The following IQSEC1 variants were observed in gnomAD, a reference collection of about 807,000 sequenced individuals.
IQSEC1 encodes IQ motif and Sec7 domain ArfGEF 1.
Under a neutral mutation model 91.0 loss-of-function variants are expected in IQSEC1, and 31 were observed. That is an observed-to-expected ratio of 0.34 (90% CI 0.26 to 0.46). The LOEUF is 0.46. Among genes scored for constraint, IQSEC1 ranks in the 20% least tolerant of loss-of-function variants. The pLI is 1.00. For missense variants in IQSEC1, 1,388 were observed against 1,575.6 expected, an observed-to-expected ratio of 0.88 and a Z score of 2.02; for synonymous variants, 699 against 662.6, an observed-to-expected ratio of 1.05 and a Z score of -0.84.
At chr3:13,252,704 T>A (rs1576311305) in intron 1 of IQSEC1, among the ~76,000 whole-genome samples, 1 of 149,066 alleles carries the variant, frequency 6.7e-6, no homozygotes, top group Admixed American at 6.7e-5. Context: ...ACCAACAGAC[T>A]TCTTATTATC....
rs1702052542 is a variant in IQSEC1 at position 12,992,936 on chromosome 3, C to T, written c.24-51071G>A. Among the ~76,000 whole-genome samples the T allele has an allele frequency of 1.3e-5, 2 of 152,306 alleles. No individual in the cohort carries two copies. The highest frequency in any genetic ancestry group is 4.1e-4 in the South Asian group (2 of 4,830). ...CTTGACTCACCTCTGCCAACCCACC[C>T]TGCCTGCTTAGAGCCCAAGGGCAGG... is the stretch of plus-strand genomic sequence containing the variant. On this transcript the variant is annotated intron_variant, in intron 1 of 13. Coordinates refer to ENST00000613206, the MANE Select transcript of IQSEC1 (RefSeq NM_001134382.3). The surrounding 1 kb of genome is among the most constrained non-coding windows in gnomAD (Gnocchi z 4.1).
At chr3:13,158,153 G>A (rs766948692) in intron 2 of IQSEC1, among the ~76,000 whole-genome samples, 1 of 152,214 alleles carries the variant, frequency 6.6e-6, no homozygotes, top group African/African-American at 2.4e-5. Flanking sequence ...TCCAGAGGCC[G>A]CCGGCTCAGC....
At chr3:13,109,687 C>T (rs1256554727) in intron 2 of IQSEC1, among the ~76,000 whole-genome samples, 1 of 151,972 alleles carries the variant, frequency 6.6e-6, no homozygotes. Context: ...CTTTCTCTTC[C>T]TTCACCTTCC....
chr3:13,037,868 G>T (rs1270434963), intron 1 of IQSEC1, among the ~76,000 whole-genome samples: 1 of 152,036 alleles, frequency 6.6e-6, no homozygotes, highest in Non-Finnish European at 1.5e-5. Flanking sequence ...AGGGAGGGGG[G>T]AGTTAGTGTT....
At chr3:13,112,665 A>G (rs1018373311) in intron 2 of IQSEC1, among the ~76,000 whole-genome samples, 1 of 152,222 alleles carries the variant, frequency 6.6e-6, no homozygotes, top group Admixed American at 6.5e-5. Context: ...GTGGTCCCGC[A>G]GCAGAGTGTG....
rs76897380 is a variant in IQSEC1, at chr3:13,260,892, A to C, written c.272+21819T>G. Among the ~76,000 whole-genome samples the C allele has an allele frequency of 8.0e-3, 1,218 of 152,310 alleles. 14 individuals carry two copies. The highest frequency in any genetic ancestry group is 0.027 in the African/African-American group (1,114 of 41,576). ...GTGCTGAGCAGGACACATGGTGCAT[A>C]TGAGGAGTCCCCAGTGCTGGGCAGT... is the stretch of plus-strand genomic sequence containing the variant. On this transcript the variant is annotated intron_variant, in intron 1 of 15. Coordinates refer to the IQSEC1 transcript ENST00000648114.
chr3:12,971,916 G>A (rs1304080839), intron 1 of IQSEC1, among the ~76,000 whole-genome samples: 1 of 151,970 alleles, frequency 6.6e-6, no homozygotes, highest in Non-Finnish European at 1.5e-5. Flanking sequence ...CAGCTACTCA[G>A]GAGGCTGAGG....
chr3:12,923,226 T>C (rs951143961), intron 4 of IQSEC1, among the ~76,000 whole-genome samples: 2 of 152,142 alleles, frequency 1.3e-5, no homozygotes, highest in African/African-American at 4.8e-5. Flanking sequence ...ACTGCTATTT[T>C]CTGACCTGAG....
At chr3:12,948,300 T>C (rs1245928502) in intron 1 of IQSEC1, among the ~76,000 whole-genome samples, 3 of 152,252 alleles carry the variant, frequency 2.0e-5, no homozygotes. Context: ...CAGACAAGCC[T>C]AGTGCCCCAA....
chr3:12,914,741 G>A (rs1320618669), intron 8 of IQSEC1, among the ~76,000 whole-genome samples: 1 of 152,128 alleles, frequency 6.6e-6, no homozygotes, highest in Non-Finnish European at 1.5e-5. Context: ...GGGTGAGGAG[G>A]CAGGCACTGG....
At chr3:12,956,510 C>T (rs1046853636) in intron 1 of IQSEC1, among the ~76,000 whole-genome samples, 15 of 152,208 alleles carry the variant, frequency 9.9e-5, no homozygotes, top group Non-Finnish European at 2.1e-4. Context: ...ATCCCATGGT[C>T]ATCATAACCA....
Position 12,900,909 on chromosome 3 carries a change from G to A in IQSEC1, c.*74C>T, listed in dbSNP as rs9818523. ...CAGAAGTGCCCCGGGTTTGGTGTGC[G>A]GCTGGCGACCCCCGGGCGTGCCCTG... On this transcript the variant is annotated 3_prime_UTR_variant, in exon 14 of 14. Coordinates refer to ENST00000613206, the MANE Select transcript of IQSEC1 (RefSeq NM_001134382.3). The A allele has an allele frequency of 0.2, 309,028 of 1,535,740 alleles. 33,907 individuals carry two copies. The highest frequency in any genetic ancestry group is 0.34 in the African/African-American group (24,962 of 72,984).
At chr3:12,956,785 G>A (rs150968056) in intron 1 of IQSEC1, among the ~76,000 whole-genome samples, 7 of 152,276 alleles carry the variant, frequency 4.6e-5, no homozygotes, top group Non-Finnish European at 1.0e-4. Context: ...GGGAGACCAG[G>A]TCTCTCTACA....
rs745831415 is a variant in IQSEC1 at position 12,899,447 on chromosome 3, G to A, written c.*1536C>T. On this transcript the variant is annotated 3_prime_UTR_variant, in exon 14 of 14. Coordinates refer to ENST00000613206, the MANE Select transcript of IQSEC1 (RefSeq NM_001134382.3). ...CGAAAGGCTGAAACTACAAAGTATG[G>A]CCCGTGGGTGACTCGGGCACAGACC... is the stretch of plus-strand genomic sequence containing the variant. 3 of 1,607,646 alleles carry A rather than the reference G, an allele frequency of 1.9e-6. No homozygotes were observed. The highest frequency in any genetic ancestry group is 4.5e-5 in the East Asian group (2 of 44,624).
chr3:13,101,755 G>A (rs965753174), intron 2 of IQSEC1, among the ~76,000 whole-genome samples: 4 of 152,196 alleles, frequency 2.6e-5, no homozygotes, highest in African/African-American at 7.2e-5. Context: ...GGTAGCAGTG[G>A]AGTGGTGAGT....
chr3:12,928,321 G>A (rs1395844572), intron 3 of IQSEC1, among the ~76,000 whole-genome samples: 1 of 152,208 alleles, frequency 6.6e-6, no homozygotes. Flanking sequence ...AACCTAGTGC[G>A]GGCGATGGAT....
intron 2 of IQSEC1, among the ~76,000 whole-genome samples, chr3:13,101,411 T>G: frequency 8.2e-6 from 1 of 121,636 alleles, no homozygotes; most frequent in Non-Finnish European, 1.7e-5. Context: ...AGGGTGAGAT[T>G]CCATCTCCAA....
At chr3:12,945,689 T>C (rs1232535150) in intron 1 of IQSEC1, among the ~76,000 whole-genome samples, 1 of 152,212 alleles carries the variant, frequency 6.6e-6, no homozygotes, top group Non-Finnish European at 1.5e-5. Flanking sequence ...ATGAACCCAT[T>C]TGAGCCAGAG....
chr3:13,209,254 G>A (rs1694401018), intron 1 of IQSEC1, among the ~76,000 whole-genome samples: 1 of 152,340 alleles, frequency 6.6e-6, no homozygotes, highest in South Asian at 2.1e-4. Flanking sequence ...TACAAAGAGA[G>A]ATGGAGGCAA....
Sources: allele counts gnomAD v4.1 joint callset (sites outside exome capture counted in the v4.1 genomes callset), GRCh38; gene constraint gnomAD v4.1.1; non-coding constraint Gnocchi (gnomAD v3.1); transcripts MANE v1.5; gene names NCBI Gene and HGNC (gene_info 2026-07-23, HGNC 2026-07-21).